PELI2: variants seen among roughly 807,000 people sequenced by gnomAD.
The protein encoded by PELI2 is E3 ubiquitin-protein ligase pellino homolog 2.
Under a neutral mutation model 42.3 loss-of-function variants are expected in PELI2, and 23 were observed. The ratio of observed to expected loss-of-function variants is 0.54; its 90% CI spans 0.39 to 0.77. PELI2 has a LOEUF of 0.77. PELI2 is among the 30% of genes least tolerant of loss of function. PELI2 has a pLI of 0.00. For synonymous variants in PELI2, 245 were observed against 212.2 expected (o/e 1.15, Z -1.34); for missense variants, 463 against 553.2 (o/e 0.84, Z 1.64).
intron 4 of PELI2, among the ~76,000 whole-genome samples, chr14:56,289,276 C>G (rs1479901716): frequency 1.3e-5 from 2 of 152,196 alleles, no homozygotes; most frequent in African/African-American, 4.8e-5. Flanking sequence ...TTCAGTGGTT[C>G]TGTGACATCC....
intron 2 of PELI2, among the ~76,000 whole-genome samples, chr14:56,183,145 A>G (rs771820926): frequency 1.8e-4 from 28 of 152,140 alleles, no homozygotes; most frequent in Admixed American, 4.6e-4. Flanking sequence ...TTTGTTGAGT[A>G]TTTTATTTTA....
chr14:56,206,162 A>G (rs115872572), intron 2 of PELI2, among the ~76,000 whole-genome samples: 319 of 152,344 alleles, frequency 2.1e-3, no homozygotes, highest in African/African-American at 7.3e-3. Flanking sequence ...AACAAATGGT[A>G]ACTTCAGGAG....
chr14:56,148,003 G>T (rs1413098773), intron 1 of PELI2, among the ~76,000 whole-genome samples: 1 of 152,172 alleles, frequency 6.6e-6, no homozygotes, highest in Non-Finnish European at 1.5e-5. Flanking sequence ...GTAGATTACT[G>T]AATACTTTTG....
rs145866704 is a variant in PELI2, at chr14:56,300,446, C to CT, written c.*3294dup. The CT allele has an allele frequency of 0.037, 5,157 of 138,652 alleles. 104 individuals are homozygous for CT. The highest frequency in any genetic ancestry group is 0.07 in the African/African-American group (2,638 of 37,792). The allele number at this position is 138,652 out of a possible 1,614,324, so 8.6% of individuals were successfully genotyped here. ...TCTTTAGTTCATAAAGCTTCAATGT[C>CT]TTTTTTTTTTTTTTCATGGAAAAAC... On this transcript the variant is annotated 3_prime_UTR_variant, in exon 6 of 6. Transcript: ENST00000267460.
chr14:56,296,886 C>A lies in PELI2; in HGVS notation c.983C>A (p.Thr328Lys). Residue 328 changes from threonine to lysine, a missense_variant, in exon 6 of 6, where the codon ACG becomes AAG. Physicochemically the swap from Thr to Lys is moderately conservative, Grantham distance 78. Coordinates refer to ENST00000267460, the MANE Select transcript of PELI2 (RefSeq NM_021255.3). ...GYHNWGHRSDTEANERECPMC... is the reference protein window; with the variant it reads ...GYHNWGHRSDKEANERECPMC... ...CACAACTGGGGCCATCGGAGTGACA[C>A]GGAGGCCAACGAGAGGGAGTGTCCC... 1.9e-6 allele frequency: 3 copies of A among 1,614,150 alleles called. No individual in the cohort carries two copies. The highest frequency in any genetic ancestry group is 2.5e-6 in the Non-Finnish European group (3 of 1,180,026).
chr14:56,178,831 G>C (rs1885479338), intron 2 of PELI2, among the ~76,000 whole-genome samples: 1 of 152,210 alleles, frequency 6.6e-6, no homozygotes, highest in Admixed American at 6.5e-5. Context: ...ATTTGGAATA[G>C]ATGTAGTTGA....
At chr14:56,195,656 A>G (rs550789332) in intron 2 of PELI2, among the ~76,000 whole-genome samples, 1 of 152,362 alleles carries the variant, frequency 6.6e-6, no homozygotes, top group South Asian at 2.1e-4. Context: ...AAATGCTGCC[A>G]TTCTCTGTGT....
intron 3 of PELI2, among the ~76,000 whole-genome samples, chr14:56,283,695 A>G (rs1206195482): frequency 1.3e-5 from 2 of 152,236 alleles, no homozygotes; most frequent in African/African-American, 4.8e-5. Context: ...GGCAGAGCTA[A>G]GATTTAGGTC....
intron 3 of PELI2, among the ~76,000 whole-genome samples, chr14:56,284,543 T>A (rs1418205670): frequency 6.6e-6 from 1 of 152,146 alleles, no homozygotes. Flanking sequence ...TGGTTTTTTG[T>A]TTGGTTTGGT....
chr14:56,134,498 A>T lies in PELI2; in HGVS notation c.77+15761A>T, dbSNP rs117593491. 6.1e-4 allele frequency among the ~76,000 whole-genome samples: 93 copies of T among 152,128 alleles called. 3 individuals carry two copies. In the East Asian group the frequency reaches 0.016, roughly 26 times the overall value. On this transcript the variant is annotated intron_variant, in intron 1 of 5. Coordinates refer to ENST00000267460, the MANE Select transcript of PELI2 (RefSeq NM_021255.3). ...TTTCACTCTGAATCTTTTGCTTTTC[A>T]ACTCCTTTCCTTTGATTCTTAGAGA...
At chr14:56,164,928 T>G (rs935690332) in intron 1 of PELI2, among the ~76,000 whole-genome samples, 1 of 152,092 alleles carries the variant, frequency 6.6e-6, no homozygotes, top group East Asian at 1.9e-4. Context: ...GTCTTGTCTC[T>G]TTTTTCTTAG....
At chr14:56,287,155 A>G (rs1037306002) in intron 3 of PELI2, among the ~76,000 whole-genome samples, 3 of 152,226 alleles carry the variant, frequency 2.0e-5, no homozygotes, top group Admixed American at 6.5e-5. Flanking sequence ...ATCTTGTGAC[A>G]GTGACTGTCG....
intron 2 of PELI2, among the ~76,000 whole-genome samples, chr14:56,231,422 T>C (rs1417282178): frequency 5.3e-5 from 8 of 152,194 alleles, no homozygotes; most frequent in African/African-American, 1.9e-4. Context: ...CAGACCACAA[T>C]GCAATCAAAT....
At chr14:56,150,485 C>T (rs1595558460) in intron 1 of PELI2, among the ~76,000 whole-genome samples, 1 of 151,284 alleles carries the variant, frequency 6.6e-6, no homozygotes, top group Non-Finnish European at 1.5e-5. Flanking sequence ...TTTTTTCAGG[C>T]TAGCCTATAT....
intron 1 of PELI2, among the ~76,000 whole-genome samples, chr14:56,136,044 A>T (rs1883678580): frequency 6.6e-6 from 1 of 152,232 alleles, no homozygotes; most frequent in South Asian, 2.1e-4. Context: ...AATTTAAAAG[A>T]TGTAGAAAAC....
chr14:56,236,611 T>TA (rs1178798062), intron 2 of PELI2, among the ~76,000 whole-genome samples: 1 of 152,230 alleles, frequency 6.6e-6, no homozygotes, highest in Non-Finnish European at 1.5e-5. Flanking sequence ...ATTTTTTTAT[T>TA]ATGAGTTCAT....
At chr14:56,237,134 C>G (rs1447600473) in intron 2 of PELI2, among the ~76,000 whole-genome samples, 1 of 152,146 alleles carries the variant, frequency 6.6e-6, no homozygotes, top group Non-Finnish European at 1.5e-5. Context: ...TCTAATATTC[C>G]TTACTCACCA....
intron 1 of PELI2, among the ~76,000 whole-genome samples, chr14:56,149,525 A>G (rs546970186): frequency 6.6e-6 from 1 of 152,308 alleles, no homozygotes; most frequent in East Asian, 1.9e-4. Flanking sequence ...ATGTAAGAAT[A>G]TATCTTATCA....
At chr14:56,277,714 G>A (rs776873490) in intron 2 of PELI2, among the ~76,000 whole-genome samples, 5 of 152,058 alleles carry the variant, frequency 3.3e-5, no homozygotes, top group Non-Finnish European at 7.4e-5. Context: ...GAGTCTTCAT[G>A]AGACAATGAC....
Sources: allele counts gnomAD v4.1 joint callset (sites outside exome capture counted in the v4.1 genomes callset), GRCh38; gene constraint gnomAD v4.1.1; transcripts MANE v1.5; gene names NCBI Gene and HGNC (gene_info 2026-07-23, HGNC 2026-07-21).